Variants in CDH18 observed in about 807,000 individuals in gnomAD.
CDH18 encodes the protein cadherin 18, also known as cadherin-18.
Under a neutral mutation model 67.9 loss-of-function variants are expected in CDH18, and 31 were observed. That is an observed-to-expected ratio of 0.46 (90% CI 0.34 to 0.62). CDH18 has a LOEUF of 0.62. CDH18 is among the 20% of genes least tolerant of loss of function. The probability of loss-of-function intolerance (pLI) is 0.01; values close to 1 mark genes in which losing one functional copy is unlikely to be tolerated. For missense variants in CDH18, 890 were observed against 975.5 expected (o/e 0.91, Z 1.17); for synonymous variants, 362 against 347.2 (o/e 1.04, Z -0.48).
chr5:19,612,418 G>A lies in CDH18; in HGVS notation c.811+16C>T. 1 of 1,611,790 alleles carries A rather than the reference G, an allele frequency of 6.2e-7. No homozygotes were observed. Among genetic ancestry groups the A allele is most frequent in the Non-Finnish European group, 8.5e-7 (1 of 1,178,260 alleles). On this transcript the variant is annotated intron_variant, in intron 6 of 12. Coordinates refer to ENST00000382275, the MANE Select transcript of CDH18 (RefSeq NM_004934.5). ...GAGATAATGATAAATTCAAATCATGGAAAACAAATACGTACTTTGAGGAAA... is the reference window on the plus strand; with the variant it reads ...GAGATAATGATAAATTCAAATCATGAAAAACAAATACGTACTTTGAGGAAA...
intron 5 of CDH18, among the ~76,000 whole-genome samples, chr5:19,664,921 T>G (rs1757705702): frequency 6.6e-6 from 1 of 152,002 alleles, no homozygotes; most frequent in Non-Finnish European, 1.5e-5. Flanking sequence ...AGGACTGACG[T>G]AGAGTTGCGG....
intron 2 of CDH18, among the ~76,000 whole-genome samples, chr5:20,248,020 T>C (rs2388307): frequency 0.3 from 45,447 of 152,078 alleles, 7,461 homozygotes; most frequent in Non-Finnish European, 0.37. Flanking sequence ...TATTTTACTT[T>C]ACAATCTTCC....
chr5:19,824,178 T>A (rs1293048654), intron 3 of CDH18, among the ~76,000 whole-genome samples: 4 of 152,150 alleles, frequency 2.6e-5, no homozygotes, highest in African/African-American at 9.7e-5. Context: ...GGTCCAATAA[T>A]TGGATAGAAG....
At chr5:19,700,619 A>C (rs559226621) in intron 5 of CDH18, among the ~76,000 whole-genome samples, 1 of 152,334 alleles carries the variant, frequency 6.6e-6, no homozygotes, top group African/African-American at 2.4e-5. Context: ...GCTCTTGCTT[A>C]GGATGACTGC....
chr5:19,626,121 G>A (rs983637621), intron 5 of CDH18, among the ~76,000 whole-genome samples: 5 of 152,038 alleles, frequency 3.3e-5, no homozygotes, highest in Admixed American at 3.3e-4. Context: ...GAGTTACTGG[G>A]GGCTAGGGCT....
Position 20,013,537 on chromosome 5 carries a change from G to A in CDH18, c.-517-21523C>T, listed in dbSNP as rs1003265810. On this transcript the variant is annotated intron_variant, in intron 2 of 14. Coordinates refer to the CDH18 transcript ENST00000507958. The stretch of plus-strand genomic sequence containing the variant: ...GAAAGATTATTTTCAATGCTTCTTC[G>A]TATCTGATTCTGTTTATTTATATAT... 3.3e-5 allele frequency among the ~76,000 whole-genome samples: 5 copies of A among 151,754 alleles called. No homozygotes were observed. The East Asian group carries it at 5.8e-4, about 18-fold the overall frequency.
chr5:19,509,721 A>G (rs1443097183), intron 10 of CDH18, among the ~76,000 whole-genome samples: 1 of 152,170 alleles, frequency 6.6e-6, no homozygotes, highest in Non-Finnish European at 1.5e-5. Flanking sequence ...GAAAGAATAC[A>G]GAGGAAGTTT....
At chr5:20,450,928 C>A (rs1184774147) in intron 1 of CDH18, among the ~76,000 whole-genome samples, 1 of 152,154 alleles carries the variant, frequency 6.6e-6, no homozygotes, top group East Asian at 1.9e-4. Context: ...GGCAAGAGAG[C>A]ATGTGCAGGA....
intron 2 of CDH18, among the ~76,000 whole-genome samples, chr5:20,152,742 T>A (rs1337511602): frequency 6.6e-6 from 1 of 152,072 alleles, no homozygotes; most frequent in African/African-American, 2.4e-5. Flanking sequence ...ATCACCACGA[T>A]GCTAGAGTCA....
intron 1 of CDH18, among the ~76,000 whole-genome samples, chr5:20,355,060 C>T (rs1741501499): frequency 6.6e-6 from 1 of 152,194 alleles, no homozygotes; most frequent in Non-Finnish European, 1.5e-5. Flanking sequence ...CTGCATCTTT[C>T]TTCCTTATTT....
chr5:19,491,055 A>T (rs1050186111), intron 11 of CDH18, among the ~76,000 whole-genome samples: 1 of 152,102 alleles, frequency 6.6e-6, no homozygotes, highest in African/African-American at 2.4e-5. Flanking sequence ...ATGCTCTTTA[A>T]TTTCTCACTA....
At chr5:20,000,614 C>G (rs940403095) in intron 2 of CDH18, among the ~76,000 whole-genome samples, 2 of 152,010 alleles carry the variant, frequency 1.3e-5, no homozygotes, top group African/African-American at 2.4e-5. Flanking sequence ...TAGATTGTGG[C>G]TTGGGAAAAT....
At chr5:19,757,135 C>T (rs1771709682) in intron 3 of CDH18, among the ~76,000 whole-genome samples, 1 of 152,132 alleles carries the variant, frequency 6.6e-6, no homozygotes, top group Admixed American at 6.6e-5. Context: ...AAAGTGAGTG[C>T]CTTAGTTAGA....
At chr5:19,574,940 G>A (rs1742076377) in intron 7 of CDH18, among the ~76,000 whole-genome samples, 1 of 152,182 alleles carries the variant, frequency 6.6e-6, no homozygotes, top group African/African-American at 2.4e-5. Flanking sequence ...TCGGGAGGCT[G>A]AGGCAGGAGA....
At chr5:20,567,593 G>C (rs1758585731) in intron 1 of CDH18, among the ~76,000 whole-genome samples, 1 of 152,156 alleles carries the variant, frequency 6.6e-6, no homozygotes, top group Admixed American at 6.5e-5. Context: ...GCATTATAAG[G>C]TCAGGCTGAC....
intron 3 of CDH18, among the ~76,000 whole-genome samples, chr5:19,837,092 A>C (rs1781737163): frequency 6.6e-6 from 1 of 152,172 alleles, no homozygotes; most frequent in Non-Finnish European, 1.5e-5. Flanking sequence ...AAAAAGGATG[A>C]GTTCATGTCC....
At chr5:20,557,504 A>G (rs1483208552) in intron 1 of CDH18, among the ~76,000 whole-genome samples, 1 of 152,152 alleles carries the variant, frequency 6.6e-6, no homozygotes, top group Non-Finnish European at 1.5e-5. Flanking sequence ...GCTACAAGAA[A>G]TCAGTATAGG....
At chr5:19,540,677 C>A (rs1750121064) in intron 9 of CDH18, among the ~76,000 whole-genome samples, 1 of 152,124 alleles carries the variant, frequency 6.6e-6, no homozygotes, top group African/African-American at 2.4e-5. Flanking sequence ...AGTGCTTGCA[C>A]CCTAGGAAGC....
chr5:20,191,352 T>C (rs1364953327), intron 2 of CDH18, among the ~76,000 whole-genome samples: 2 of 152,146 alleles, frequency 1.3e-5, no homozygotes, highest in Non-Finnish European at 2.9e-5. Flanking sequence ...CTTAAAGACC[T>C]TTATGCCGAT....
Sources: allele counts gnomAD v4.1 joint callset (sites outside exome capture counted in the v4.1 genomes callset), GRCh38; gene constraint gnomAD v4.1.1; transcripts MANE v1.5; gene names NCBI Gene and HGNC (gene_info 2026-07-23, HGNC 2026-07-21).